The following PEAK1 variants were observed in gnomAD, a reference collection of about 807,000 sequenced individuals.
PEAK1 encodes the protein inactive tyrosine-protein kinase PEAK1.
A neutral mutation model predicts 124.7 loss-of-function variants in PEAK1; 54 were observed. That is an observed-to-expected ratio of 0.43 (90% CI 0.35 to 0.54). PEAK1 has a LOEUF of 0.54. PEAK1 is among the 20% of genes least tolerant of loss of function. The pLI is 0.01. For missense variants in PEAK1, 2,046 were observed against 2,134.5 expected, an observed-to-expected ratio of 0.96 and a Z score of 0.82; for synonymous variants, 719 against 760.0, an observed-to-expected ratio of 0.95 and a Z score of 0.89.
chr15:77,386,584 G>A (rs2069961352), intron 1 of PEAK1, among the ~76,000 whole-genome samples: 1 of 152,032 alleles, frequency 6.6e-6, no homozygotes, highest in South Asian at 2.1e-4. Flanking sequence ...AATAGAAAGG[G>A]CTATGGAACA....
intron 8 of PEAK1, among the ~76,000 whole-genome samples, chr15:77,152,080 G>A (rs931388974): frequency 2.7e-4 from 41 of 152,208 alleles, no homozygotes; most frequent in Non-Finnish European, 4.6e-4. Context: ...ACCTTGGGCA[G>A]TATGGCCATT....
intron 2 of PEAK1, among the ~76,000 whole-genome samples, chr15:77,292,635 C>CA (rs2063282427): frequency 6.6e-6 from 1 of 152,104 alleles, no homozygotes; most frequent in Non-Finnish European, 1.5e-5. Flanking sequence ...ATTTGCACAT[C>CA]AGGTGACTCA....
chr15:77,301,873 T>C (rs79107142), intron 2 of PEAK1, among the ~76,000 whole-genome samples: 1,567 of 152,302 alleles, frequency 0.01, 32 homozygotes, highest in African/African-American at 0.036. Context: ...CCTCCCAAGG[T>C]CAACATCAAC....
At chr15:77,229,617 T>C (rs1161788744) in intron 6 of PEAK1, among the ~76,000 whole-genome samples, 1 of 151,982 alleles carries the variant, frequency 6.6e-6, no homozygotes, top group Admixed American at 6.6e-5. Context: ...TTACATGCAT[T>C]CCTCTTCTTT....
At chr15:77,395,386 G>A (rs2070798321) in intron 1 of PEAK1, among the ~76,000 whole-genome samples, 1 of 152,136 alleles carries the variant, frequency 6.6e-6, no homozygotes, top group Non-Finnish European at 1.5e-5. Flanking sequence ...GGGATAGAAA[G>A]TTTATTCAAA....
intron 8 of PEAK1, among the ~76,000 whole-genome samples, chr15:77,144,528 T>G (rs1390729455): frequency 6.6e-6 from 1 of 152,178 alleles, no homozygotes; most frequent in Admixed American, 6.6e-5. Flanking sequence ...AGGTATGCAG[T>G]AAGTGGCTGC....
chr15:77,286,348 AT>A, intron 3 of PEAK1, 74 bp downstream of exon 3: 1 of 824,650 alleles, frequency 1.2e-6, no homozygotes, highest in Non-Finnish European at 1.6e-6. Context: ...TTTTGCTGAA[AT>A]AAGACAGGAG....
intron 2 of PEAK1, chr15:77,330,906 C>T: frequency 2.1e-6 from 1 of 473,496 alleles, no homozygotes; most frequent in Non-Finnish European, 2.8e-6. Context: ...TTTTTCCTCA[C>T]TCAGTGCTCT....
At chr15:77,169,159 G>T (rs371453055) in intron 7 of PEAK1, among the ~76,000 whole-genome samples, 1 of 152,112 alleles carries the variant, frequency 6.6e-6, no homozygotes, top group African/African-American at 2.4e-5. Context: ...GAACTCCTGG[G>T]CTCAAGTGAT....
intron 2 of PEAK1, among the ~76,000 whole-genome samples, chr15:77,327,108 A>G (rs2065625957): frequency 6.6e-6 from 1 of 152,178 alleles, no homozygotes; most frequent in African/African-American, 2.4e-5. Flanking sequence ...ACCACTGGAC[A>G]AACTACACTT....
chr15:77,418,476 C>T lies in PEAK1; in HGVS notation c.-666+1530G>A, dbSNP rs1022725053. 10 of 985,160 alleles carry T rather than the reference C, an allele frequency of 1.0e-5. No individual in the cohort carries two copies. In the African/African-American group the frequency reaches 1.7e-4, roughly 17 times the overall value. 61.0% of individuals were successfully genotyped at this position (985,160 alleles called of 1,614,324 possible). ...CACATAGTTTGTGAGTTGGTCATAT[C>T]CAAAATTCACTAGCAATGCTATGAC... On this transcript the variant is annotated intron_variant, in intron 1 of 9. Coordinates refer to ENST00000682557, the MANE Select transcript of PEAK1 (RefSeq NM_001385026.1).
intron 2 of PEAK1, among the ~76,000 whole-genome samples, chr15:77,358,821 T>G (rs2067695360): frequency 6.6e-6 from 1 of 152,208 alleles, no homozygotes; most frequent in Non-Finnish European, 1.5e-5. Context: ...TACAGAAATT[T>G]TAATGGATAA....
chr15:77,237,514 T>C (rs1234314141), intron 6 of PEAK1, among the ~76,000 whole-genome samples: 17 of 152,078 alleles, frequency 1.1e-4, no homozygotes, highest in African/African-American at 3.9e-4. Context: ...TTTGTTTACA[T>C]TTCCTTGTGT....
intron 6 of PEAK1, among the ~76,000 whole-genome samples, chr15:77,232,490 C>CT (rs1330714420): frequency 1.3e-5 from 2 of 152,152 alleles, no homozygotes; most frequent in Non-Finnish European, 2.9e-5. Flanking sequence ...TCTCAAATCT[C>CT]TAACATCCCT....
chr15:77,402,229 AAC>A, intron 1 of PEAK1: 2 of 984,978 alleles, frequency 2.0e-6, no homozygotes, highest in Non-Finnish European at 2.4e-6. Flanking sequence ...TACAACAACA[AAC>A]AGTAAAATTC....
chr15:77,294,429 CT>C (rs1221021484), intron 2 of PEAK1, among the ~76,000 whole-genome samples: 1 of 152,160 alleles, frequency 6.6e-6, no homozygotes, highest in African/African-American at 2.4e-5. Context: ...TTACTGCTCT[CT>C]GTAAAGATTC....
At chr15:77,162,356 T>G (rs1409260229) in intron 7 of PEAK1, among the ~76,000 whole-genome samples, 1 of 151,322 alleles carries the variant, frequency 6.6e-6, no homozygotes, top group Non-Finnish European at 1.5e-5. Context: ...TAGGTGGGCG[T>G]GGTGGCGGGT....
At chr15:77,292,847 T>G (rs569167158) in intron 2 of PEAK1, among the ~76,000 whole-genome samples, 1 of 152,260 alleles carries the variant, frequency 6.6e-6, no homozygotes, top group East Asian at 1.9e-4. Flanking sequence ...ACTTGTGACA[T>G]ATGACATACG....
chr15:77,373,034 C>A (rs2068755709), intron 1 of PEAK1, among the ~76,000 whole-genome samples: 1 of 152,158 alleles, frequency 6.6e-6, no homozygotes, highest in South Asian at 2.1e-4. Flanking sequence ...CCAGGTATTT[C>A]TTTATAGCAG....
Sources: gnomAD v4.1 joint callset for allele counts (sites outside exome capture counted in the v4.1 genomes callset) on GRCh38, gnomAD v4.1.1 for gene constraint, MANE v1.5 for transcripts, NCBI Gene and HGNC (gene_info 2026-07-23, HGNC 2026-07-21) for gene names.